The following KRABD3 variants were observed in gnomAD, a reference collection of about 807,000 sequenced individuals.
KRABD3 encodes the protein KRAB domain containing 3, also known as KRAB domain-containing protein 3.
chr7:149,733,962 G>A, the KRABD3 span: 1 of 1,605,268 alleles, frequency 6.2e-7, no homozygotes, highest in Non-Finnish European at 8.5e-7. Context: ...AAGGAGCCGA[G>A]CAGCCTGCTG....
the KRABD3 span, among the ~76,000 whole-genome samples, chr7:149,731,178 A>T: frequency 6.6e-6 from 1 of 152,188 alleles, no homozygotes; most frequent in South Asian, 2.1e-4. Flanking sequence ...AGAAGGAGGG[A>T]GAAGCAGGGG....
the KRABD3 span, chr7:149,723,065 C>T: frequency 2.1e-6 from 2 of 953,660 alleles, no homozygotes; most frequent in East Asian, 5.8e-5. Context: ...AGCTTGGTCG[C>T]TGCTGTGTTG....
the KRABD3 span, chr7:149,730,640 G>A: frequency 2.0e-6 from 3 of 1,532,546 alleles, no homozygotes; most frequent in African/African-American, 2.7e-5. Context: ...TGGATCCTTT[G>A]AGTCCTGCCT....
the KRABD3 span, chr7:149,715,009 G>A: frequency 3.0e-3 from 3,715 of 1,225,150 alleles, 81 homozygotes; most frequent in African/African-American, 0.051. Flanking sequence ...CCCGCGCCAG[G>A]GCCCGCGCCG....
At chr7:149,720,794 A>AGCC in the KRABD3 span, 2 of 1,542,190 alleles carry the variant, frequency 1.3e-6, no homozygotes, top group South Asian at 2.4e-5. Flanking sequence ...AGTGCTGAGC[A>AGCC]GCCGCAGGGG....
chr7:149,728,597 C>T, the KRABD3 span: 20 of 1,613,756 alleles, frequency 1.2e-5, no homozygotes, highest in African/African-American at 2.1e-4. Context: ...TGTGCTGCGG[C>T]CTGCCTGGCC....
chr7:149,732,371 G>A, the KRABD3 span, among the ~76,000 whole-genome samples: 6 of 152,166 alleles, frequency 3.9e-5, no homozygotes, highest in Non-Finnish European at 8.8e-5. This position sits in a 1 kb window ranked among gnomAD's most constrained non-coding sequence, Gnocchi z 4.0. Flanking sequence ...ACCAAACAGC[G>A]GTTGGGTCCT....
chr7:149,719,652 A>G, the KRABD3 span: 1 of 1,607,836 alleles, frequency 6.2e-7, no homozygotes, highest in Non-Finnish European at 8.5e-7. The surrounding 1 kb of genome is among the most constrained non-coding windows in gnomAD (Gnocchi z 5.6). Context: ...CGGGAGAACT[A>G]CGAGACGCTG....
chr7:149,728,586 C>T, the KRABD3 span: 2 of 1,613,810 alleles, frequency 1.2e-6, no homozygotes, highest in Non-Finnish European at 1.7e-6. Context: ...ATACCTGTGC[C>T]TGTGCTGCGG....
chr7:149,730,251 A>G, the KRABD3 span: 9 of 1,557,958 alleles, frequency 5.8e-6, no homozygotes, highest in South Asian at 8.3e-5. Flanking sequence ...CCCCAGCCCC[A>G]GCCCCAGCCC....
chr7:149,723,444 A>G, the KRABD3 span: 1 of 427,492 alleles, frequency 2.3e-6, no homozygotes, highest in Non-Finnish European at 4.2e-6. Flanking sequence ...AGTTCTGTTC[A>G]GGACCCCAGA....
the KRABD3 span, among the ~76,000 whole-genome samples, chr7:149,718,805 A>G: frequency 6.6e-6 from 1 of 152,144 alleles, no homozygotes; most frequent in South Asian, 2.1e-4. Context: ...GTGAGCCACC[A>G]CACCCAGCCG....
At chr7:149,732,771 A>G in the KRABD3 span, among the ~76,000 whole-genome samples, 1 of 151,908 alleles carries the variant, frequency 6.6e-6, no homozygotes, top group African/African-American at 2.4e-5. The surrounding 1 kb of genome is among the most constrained non-coding windows in gnomAD (Gnocchi z 4.0). Context: ...AAATGCGCAG[A>G]AGGCCCTTGG....
chr7:149,733,792 T>C, the KRABD3 span: 1 of 1,603,170 alleles, frequency 6.2e-7, no homozygotes, highest in Non-Finnish European at 8.5e-7. Flanking sequence ...CTGCGCCGCC[T>C]GCACACCCCC....
At chr7:149,722,858 A>T in the KRABD3 span, 1 of 1,612,686 alleles carries the variant, frequency 6.2e-7, no homozygotes, top group African/African-American at 1.3e-5. Flanking sequence ...GGGCCCCGGC[A>T]CCCCGAGACA....
At chr7:149,721,974 G>T in the KRABD3 span, 2 of 367,818 alleles carry the variant, frequency 5.4e-6, no homozygotes, top group Non-Finnish European at 1.0e-5. Flanking sequence ...CACAAATTTT[G>T]CATGTCTGTT....
the KRABD3 span, chr7:149,722,122 G>A: frequency 2.2e-6 from 1 of 455,808 alleles, no homozygotes; most frequent in Admixed American, 3.5e-5. Flanking sequence ...CCCTGTGTGT[G>A]CCCTGGTTTG....
chr7:149,724,033 C>A, the KRABD3 span: 1 of 856,196 alleles, frequency 1.2e-6, no homozygotes, highest in Non-Finnish European at 1.8e-6. Flanking sequence ...GGGGGATCCC[C>A]ACTGTGTAAG....
At chr7:149,720,350 G>GCC in the KRABD3 span, among the ~76,000 whole-genome samples, 1 of 152,084 alleles carries the variant, frequency 6.6e-6, no homozygotes, top group Non-Finnish European at 1.5e-5. Flanking sequence ...CCTGCCTCAG[G>GCC]CCCCCCACCC....
Sources: allele counts gnomAD v4.1 joint callset (sites outside exome capture counted in the v4.1 genomes callset), GRCh38; gene constraint gnomAD v4.1.1; non-coding constraint Gnocchi (gnomAD v3.1); transcripts MANE v1.5; gene names NCBI Gene and HGNC (gene_info 2026-07-23, HGNC 2026-07-21).